Variants in ABCC1 observed in about 807,000 individuals in gnomAD.
ABCC1 encodes the protein ATP binding cassette subfamily C member 1 (ABCC1 blood group), also known as multidrug resistance-associated protein 1.
ABCC1 carries 83 observed loss-of-function variants against 172.9 expected under a neutral mutation model. The observed-to-expected ratio is 0.48, with a 90% confidence interval of 0.40 to 0.58. ABCC1 has a LOEUF of 0.58. Ranked by LOEUF, ABCC1 falls within the 20% of genes least tolerant of loss-of-function variation. The probability of loss-of-function intolerance (pLI) is 0.00; values close to 1 mark genes in which losing one functional copy is unlikely to be tolerated. For missense variants in ABCC1, 1,817 were observed against 2,002.7 expected, an observed-to-expected ratio of 0.91 and a Z score of 1.77; for synonymous variants, 937 against 825.2, an observed-to-expected ratio of 1.14 and a Z score of -2.32.
intron 5 of ABCC1, among the ~76,000 whole-genome samples, chr16:16,028,650 A>G (rs953717833): frequency 3.3e-5 from 5 of 152,130 alleles, no homozygotes; most frequent in African/African-American, 1.2e-4. Flanking sequence ...CAAAGCAAAC[A>G]CCACTACCTC....
At chr16:16,031,986 A>G (rs1035859509) in intron 5 of ABCC1, among the ~76,000 whole-genome samples, 1 of 152,006 alleles carries the variant, frequency 6.6e-6, no homozygotes, top group South Asian at 2.1e-4. Flanking sequence ...TTTAAGTTAA[A>G]TTAAATTTTA....
At chr16:16,062,612 C>T (rs911414759) in intron 12 of ABCC1, among the ~76,000 whole-genome samples, 81 of 152,322 alleles carry the variant, frequency 5.3e-4, no homozygotes, top group African/African-American at 1.9e-3. Flanking sequence ...AACAGATGGG[C>T]CTGGGTGTCA....
At chr16:16,042,508 G>C (rs769741594) in intron 7 of ABCC1, among the ~76,000 whole-genome samples, 7 of 152,030 alleles carry the variant, frequency 4.6e-5, no homozygotes, top group Non-Finnish European at 7.4e-5. Context: ...TTCAAGACCA[G>C]CTTGGCTAAC....
intron 1 of ABCC1, 146 bp downstream of exon 1, chr16:15,949,945 C>T (rs1214857591): frequency 6.1e-6 from 4 of 652,760 alleles, no homozygotes; most frequent in Non-Finnish European, 8.1e-6. Context: ...CGCCCGCGGC[C>T]CAGCCCCTTT....
intron 16 of ABCC1, among the ~76,000 whole-genome samples, chr16:16,080,861 CGTT>C (rs911156424): frequency 3.2e-4 from 39 of 122,082 alleles, no homozygotes; most frequent in Non-Finnish European, 4.5e-4. Flanking sequence ...AAGTTTATGA[CGTT>C]GTTTGTTGTT....
chr16:16,048,226 A>C lies in ABCC1; in HGVS notation c.1303A>C (p.Met435Leu). The C allele has an allele frequency of 6.2e-7, 1 of 1,614,214 alleles. No individual in the cohort carries two copies. The highest frequency in any genetic ancestry group is 8.5e-7 in the Non-Finnish European group (1 of 1,180,030). The change falls in exon 10 of 31, where the codon ATG becomes CTG. Residue 435 changes from methionine (M) to leucine (L), a missense_variant. Physicochemically the swap from Met to Leu is conservative, Grantham distance 15. Transcript: ENST00000399410. Reference protein sequence around the residue: ...NLMSVDAQRFMDLATYINMIW... With the variant: ...NLMSVDAQRFLDLATYINMIW... ...CATGTCTGTGGACGCTCAGAGGTTC[A>C]TGGACTTGGCCACGTACATTAACAT... is the stretch of plus-strand genomic sequence containing the variant.
chr16:16,014,841 C>A (rs1167423712), intron 4 of ABCC1, among the ~76,000 whole-genome samples: 2 of 152,292 alleles, frequency 1.3e-5, no homozygotes, highest in East Asian at 3.9e-4. Flanking sequence ...TCCCCAGGGC[C>A]TGATTTGTCT....
chr16:16,062,093 C>T (rs964273719), intron 12 of ABCC1, among the ~76,000 whole-genome samples: 2 of 152,124 alleles, frequency 1.3e-5, no homozygotes, highest in Non-Finnish European at 2.9e-5. Context: ...TTTGAAAGGT[C>T]TTGTCTCAGA....
At chr16:16,079,735 T>C (rs890338771) in intron 16 of ABCC1, among the ~76,000 whole-genome samples, 2 of 152,240 alleles carry the variant, frequency 1.3e-5, no homozygotes, top group East Asian at 3.9e-4. Context: ...GTGCCCAGTA[T>C]ATAGTAGGCA....
At chr16:16,018,441 C>T (rs2048081234) in intron 5 of ABCC1, among the ~76,000 whole-genome samples, 1 of 151,916 alleles carries the variant, frequency 6.6e-6, no homozygotes, top group Non-Finnish European at 1.5e-5. Context: ...CCCAGCTAGT[C>T]GGGAGGCTGA....
At chr16:16,010,907 G>A (rs2047751394) in intron 3 of ABCC1, among the ~76,000 whole-genome samples, 1 of 152,178 alleles carries the variant, frequency 6.6e-6, no homozygotes, top group African/African-American at 2.4e-5. Flanking sequence ...TGAACAGAGA[G>A]TTCTCGGAGA....
chr16:16,036,732 CACTT>C (rs1472281957), intron 7 of ABCC1, 129 bp downstream of exon 7: 1 of 956,400 alleles, frequency 1.0e-6, no homozygotes, highest in Non-Finnish European at 1.6e-6. Flanking sequence ...CAAGATGCCT[CACTT>C]CTCCTCCTGG....
At chr16:16,111,293 G>C (rs2052376593) in intron 21 of ABCC1, 82 bp from the exon 22 acceptor site, 5 of 1,193,944 alleles carry the variant, frequency 4.2e-6, no homozygotes, top group Admixed American at 1.8e-5. Context: ...CACAGTGCTG[G>C]TGAAGCCCCC....
At chr16:16,009,276 T>G (rs1270699592) in intron 2 of ABCC1, among the ~76,000 whole-genome samples, 1 of 152,250 alleles carries the variant, frequency 6.6e-6, no homozygotes, top group Non-Finnish European at 1.5e-5. Context: ...TTTAATCTTT[T>G]GCTACATTTG....
Position 15,949,632 on chromosome 16 carries a change from CCAG to C in ABCC1, c.-118_-116del. The C allele has an allele frequency of 1.5e-6, 1 of 686,072 alleles. No individual in the cohort carries two copies. The highest frequency in any genetic ancestry group is 1.8e-6 in the Non-Finnish European group (1 of 558,058). The allele number at this position is 686,072 out of a possible 1,614,324, so 42.5% of individuals were successfully genotyped here. On this transcript the variant is annotated 5_prime_UTR_variant, in exon 1 of 31. Coordinates refer to ENST00000399410, the MANE Select transcript of ABCC1 (RefSeq NM_004996.4). ...CCCTGCGCCGCCGCCGCCGCCGCCGCCAGCGCTAGCGCCAGCAGCCGGGCCCGA... is the reference window on the plus strand; with the variant it reads ...CCCTGCGCCGCCGCCGCCGCCGCCGCCGCTAGCGCCAGCAGCCGGGCCCGA...
chr16:16,130,984 G>T (rs1310947019), intron 26 of ABCC1, among the ~76,000 whole-genome samples: 1 of 152,086 alleles, frequency 6.6e-6, no homozygotes, highest in Non-Finnish European at 1.5e-5. Flanking sequence ...AGCTGGGTGT[G>T]GTGGCGGGTG....
At chr16:16,048,983 CCAA>C (rs2049323750) in intron 10 of ABCC1, among the ~76,000 whole-genome samples, 1 of 111,040 alleles carries the variant, frequency 9.0e-6, no homozygotes, top group Non-Finnish European at 2.1e-5. Flanking sequence ...AACTCCAATT[CCAA>C]AAAAAAAAAA....
intron 10 of ABCC1, 143 bp from the exon 11 acceptor site, chr16:16,052,581 A>G: frequency 2.9e-6 from 2 of 680,414 alleles, no homozygotes; most frequent in East Asian, 5.3e-5. Flanking sequence ...GGCTCTTAAC[A>G]CCCTATTGTG....
intron 5 of ABCC1, 122 bp downstream of exon 5, chr16:16,016,743 A>AT: frequency 7.3e-7 from 1 of 1,379,054 alleles, no homozygotes; most frequent in Non-Finnish European, 9.9e-7. Context: ...AACCCCTGAT[A>AT]CAGGGAATAT....
Sources: allele counts gnomAD v4.1 joint callset (sites outside exome capture counted in the v4.1 genomes callset), GRCh38; gene constraint gnomAD v4.1.1; transcripts MANE v1.5; gene names NCBI Gene and HGNC (gene_info 2026-07-23, HGNC 2026-07-21).